Variants in ZNRF3 observed in about 807,000 individuals in gnomAD.
The protein encoded by ZNRF3 is zinc and ring finger 3, also known as E3 ubiquitin-protein ligase ZNRF3.
Under a neutral mutation model 72.5 loss-of-function variants are expected in ZNRF3, and 23 were observed. That is an observed-to-expected ratio of 0.32 (90% confidence interval 0.23 to 0.45). The LOEUF (loss-of-function observed/expected upper bound fraction) is 0.45, where lower values mean the gene tolerates loss of function less well. Among genes scored for constraint, ZNRF3 ranks in the 20% least tolerant of loss-of-function variants. ZNRF3 has a pLI of 1.00. For missense variants in ZNRF3, 1,169 were observed against 1,272.1 expected, an observed-to-expected ratio of 0.92 and a Z score of 1.23; for synonymous variants, 610 against 545.3, an observed-to-expected ratio of 1.12 and a Z score of -1.65.
intron 1 of ZNRF3, among the ~76,000 whole-genome samples, chr22:28,942,733 T>G (rs1450251019): frequency 6.6e-6 from 1 of 152,170 alleles, no homozygotes; most frequent in East Asian, 1.9e-4. Context: ...CTATTGACCC[T>G]TGTGTCTTTC....
At chr22:29,020,759 G>GTTTTTT (rs762825720) in intron 2 of ZNRF3, among the ~76,000 whole-genome samples, 6 of 140,134 alleles carry the variant, frequency 4.3e-5, no homozygotes, top group South Asian at 4.5e-4. Context: ...GAGGGGCTTT[G>GTTTTTT]TTTTTGTGTG....
Position 29,054,488 on chromosome 22 carries a change from CG to C in ZNRF3, c.*867del, listed in dbSNP as rs1291972177. The C allele has an allele frequency of 6.6e-6, 1 of 152,464 alleles. No individual in the cohort carries two copies. Among genetic ancestry groups the C allele is most frequent in the Admixed American group, 6.5e-5 (1 of 15,282 alleles). The allele number at this position is 152,464 out of a possible 1,614,324, so 9.4% of individuals were successfully genotyped here. On this transcript the variant is annotated 3_prime_UTR_variant, in exon 9 of 9. Transcript: ENST00000544604. ...AGTAAGGGCATGTTCTTGGGGCCCT[CG>C]ACCTGAACTCTGACCCTCCGGGCAG...
intron 1 of ZNRF3, among the ~76,000 whole-genome samples, chr22:28,974,776 G>A (rs1048635115): frequency 6.6e-6 from 1 of 152,154 alleles, no homozygotes; most frequent in South Asian, 2.1e-4. Flanking sequence ...CTCTCGAGTA[G>A]CAAGGACCAC....
chr22:28,947,712 C>T (rs2035077983), intron 1 of ZNRF3, among the ~76,000 whole-genome samples: 1 of 152,166 alleles, frequency 6.6e-6, no homozygotes, highest in Non-Finnish European at 1.5e-5. Flanking sequence ...TTGGGTTACT[C>T]ATTTTGTTAT....
chr22:28,987,976 TA>T (rs2035886891), intron 2 of ZNRF3, among the ~76,000 whole-genome samples: 1 of 152,108 alleles, frequency 6.6e-6, no homozygotes, highest in Admixed American at 6.5e-5. Context: ...TTAGAAGTAC[TA>T]AAAAAGACTT....
At chr22:29,006,213 CTTTTTTTTTT>C in intron 2 of ZNRF3, among the ~76,000 whole-genome samples, 1 of 106,516 alleles carries the variant, frequency 9.4e-6, no homozygotes, top group East Asian at 2.9e-4. Context: ...TCATCCGTTT[CTTTTTTTTTT>C]TTTTTTTTTG....
rs1426928009 is a variant in ZNRF3 at position 29,011,648 on chromosome 22, T to A, written c.426+24447T>A. Among the ~76,000 whole-genome samples, 3 of 152,350 alleles carry A rather than the reference T, an allele frequency of 2.0e-5. No individual in the cohort carries two copies. In the East Asian group the frequency reaches 5.8e-4, roughly 29 times the overall value. Reference sequence around the variant, plus strand: ...AGCTGGCTGCAGAAGCTAGGCCAGTTAAAACAATATGCAGGCAGCTCTCCT... The same window carrying A: ...AGCTGGCTGCAGAAGCTAGGCCAGTAAAAACAATATGCAGGCAGCTCTCCT... On this transcript the variant is annotated intron_variant, in intron 2 of 8. Coordinates refer to ENST00000544604, the MANE Select transcript of ZNRF3 (RefSeq NM_001206998.2).
At chr22:28,912,346 T>C (rs1245001631) in intron 1 of ZNRF3, among the ~76,000 whole-genome samples, 2 of 152,202 alleles carry the variant, frequency 1.3e-5, no homozygotes, top group Admixed American at 1.3e-4. Context: ...TAACCCGGCT[T>C]CTCATAGTAT....
intron 1 of ZNRF3, among the ~76,000 whole-genome samples, chr22:28,942,244 C>T (rs1461489629): frequency 6.6e-6 from 1 of 152,180 alleles, no homozygotes; most frequent in Non-Finnish European, 1.5e-5. Flanking sequence ...GACGCGATGC[C>T]GATGCAGAGA....
At chr22:28,971,766 C>T (rs569633045) in intron 1 of ZNRF3, among the ~76,000 whole-genome samples, 4 of 152,224 alleles carry the variant, frequency 2.6e-5, no homozygotes, top group Admixed American at 6.5e-5. Context: ...AGTGCAGTGG[C>T]GCCATGATAG....
chr22:28,900,954 T>TA (rs1054294046), intron 1 of ZNRF3, among the ~76,000 whole-genome samples: 25 of 151,932 alleles, frequency 1.6e-4, no homozygotes, highest in African/African-American at 5.8e-4. Flanking sequence ...AAATTTTTTT[T>TA]AAAAAAATTA....
chr22:29,056,106 C>CT lies in ZNRF3; in HGVS notation c.*2496dup, dbSNP rs11403703. ...TTAAATACCAAATACCAACCATTGC[C>CT]TTTTTTTTTTTTGAGATGGAATTTT... On this transcript the variant is annotated 3_prime_UTR_variant, in exon 9 of 9. Transcript: ENST00000544604. The CT allele has an allele frequency of 0.58, 86,012 of 147,202 alleles. 25,530 individuals are homozygous for CT. The highest frequency in any genetic ancestry group is 0.72 in the African/African-American group (28,992 of 40,164). 9.1% of individuals were successfully genotyped at this position (147,202 alleles called of 1,614,324 possible).
chr22:28,982,178 T>C (rs1249411721), intron 1 of ZNRF3, among the ~76,000 whole-genome samples: 1 of 152,192 alleles, frequency 6.6e-6, no homozygotes, highest in Non-Finnish European at 1.5e-5. Context: ...ATGGACTCTG[T>C]TAAATTCTGC....
At chr22:29,051,909 C>T (rs989516937) in intron 8 of ZNRF3, among the ~76,000 whole-genome samples, 7 of 151,662 alleles carry the variant, frequency 4.6e-5, no homozygotes, top group Non-Finnish European at 1.0e-4. Context: ...ACCTAGGCCC[C>T]ATCCCTGTGC....
At chr22:28,894,321 A>C (rs1260387251) in intron 1 of ZNRF3, among the ~76,000 whole-genome samples, 2 of 149,922 alleles carry the variant, frequency 1.3e-5, no homozygotes, top group African/African-American at 2.5e-5. Flanking sequence ...ATCATTTAGT[A>C]AATAGTAAAA....
intron 1 of ZNRF3, among the ~76,000 whole-genome samples, chr22:28,955,957 C>G (rs55665300): frequency 0.016 from 2,442 of 152,192 alleles, 74 homozygotes; most frequent in African/African-American, 0.057. Context: ...TCTCGTTTGC[C>G]TCACTAACAT....
intron 1 of ZNRF3, among the ~76,000 whole-genome samples, chr22:28,973,567 A>T (rs2035613654): frequency 1.3e-5 from 2 of 152,162 alleles, no homozygotes; most frequent in South Asian, 4.1e-4. Context: ...CGAAGCCCTT[A>T]TTCATCATAG....
chr22:28,909,325 C>T (rs2034272341), intron 1 of ZNRF3, among the ~76,000 whole-genome samples: 1 of 152,144 alleles, frequency 6.6e-6, no homozygotes, highest in Admixed American at 6.5e-5. Flanking sequence ...TGGGAATGGA[C>T]AGCAACTTGG....
At chr22:28,929,629 C>T (rs2034670480) in intron 1 of ZNRF3, among the ~76,000 whole-genome samples, 1 of 152,186 alleles carries the variant, frequency 6.6e-6, no homozygotes, top group African/African-American at 2.4e-5. Flanking sequence ...AGCCCCATCC[C>T]AATCTGAAAA....
Sources: gnomAD v4.1 joint callset for allele counts (sites outside exome capture counted in the v4.1 genomes callset) on GRCh38, gnomAD v4.1.1 for gene constraint, MANE v1.5 for transcripts, NCBI Gene and HGNC (gene_info 2026-07-23, HGNC 2026-07-21) for gene names.